Variants in TNS1 observed in about 807,000 individuals in gnomAD.
The protein encoded by TNS1 is tensin-1.
In TNS1, 62 loss-of-function variants were observed where a neutral mutation model predicts 168.6. That is an observed-to-expected ratio of 0.37 (90% CI 0.30 to 0.45). The LOEUF is 0.45. TNS1 is among the 20% of genes least tolerant of loss of function. The pLI is 1.00. For synonymous variants in TNS1, 934 were observed against 933.2 expected (o/e 1.00, Z -0.02); for missense variants, 2,240 against 2,339.4 (o/e 0.96, Z 0.88).
chr2:217,831,566 G>C lies in TNS1; in HGVS notation c.3281-19C>G. 2 of 1,453,982 alleles carry C rather than the reference G, an allele frequency of 1.4e-6. No homozygotes were observed. The highest frequency in any genetic ancestry group is 1.8e-6 in the Non-Finnish European group (2 of 1,104,058). The allele number at this position is 1,453,982 out of a possible 1,614,324, so 90.1% of individuals were successfully genotyped here. On this transcript the variant is annotated intron_variant, in intron 21 of 32. Transcript: ENST00000682258. ...GACCGCACTGTGCCAGGAAGAAGAGGGGAGACACAGGGAGTGAGAGGTGGG... is the reference window on the plus strand; with the variant it reads ...GACCGCACTGTGCCAGGAAGAAGAGCGGAGACACAGGGAGTGAGAGGTGGG...
intron 3 of TNS1, among the ~76,000 whole-genome samples, chr2:217,953,599 A>G (rs890319689): frequency 5.9e-5 from 9 of 152,124 alleles, no homozygotes; most frequent in Non-Finnish European, 5.9e-5. Flanking sequence ...GGACCCTGGC[A>G]GTTCCACTTG....
chr2:217,977,505 G>A (rs144309250), intron 3 of TNS1, among the ~76,000 whole-genome samples: 234 of 152,322 alleles, frequency 1.5e-3, no homozygotes, highest in African/African-American at 5.0e-3. Flanking sequence ...TGCTTGATCC[G>A]TCAGCACCCC....
At chr2:217,838,050 C>CAGA (rs759729016) in intron 19 of TNS1, among the ~76,000 whole-genome samples, 1 of 152,224 alleles carries the variant, frequency 6.6e-6, no homozygotes. Flanking sequence ...ATAATTGTGA[C>CAGA]AGAAGAAGCC....
intron 3 of TNS1, among the ~76,000 whole-genome samples, chr2:217,933,835 G>A (rs1389803315): frequency 6.6e-6 from 1 of 152,216 alleles, no homozygotes; most frequent in Non-Finnish European, 1.5e-5. Context: ...GGAAGAGCAG[G>A]TGCACAAACA....
chr2:217,982,761 A>C (rs1958087696), intron 2 of TNS1, among the ~76,000 whole-genome samples: 1 of 152,130 alleles, frequency 6.6e-6, no homozygotes, highest in Admixed American at 6.6e-5. Flanking sequence ...TAGATCACTG[A>C]TACCAGAACA....
chr2:217,858,645 G>A, intron 18 of TNS1: 12 of 780,564 alleles, frequency 1.5e-5, no homozygotes, highest in Non-Finnish European at 1.8e-5. Context: ...GGGGTGGGAG[G>A]AGCCAGTGCC....
intron 3 of TNS1, among the ~76,000 whole-genome samples, chr2:217,932,024 C>A (rs1159395470): frequency 6.6e-6 from 1 of 152,180 alleles, no homozygotes; most frequent in African/African-American, 2.4e-5. Context: ...TTAGGAAAAA[C>A]ATCCCACATC....
rs532204735 is a variant in TNS1, at chr2:217,905,782, C to T, written c.321+553G>A. Among the ~76,000 whole-genome samples, 3 of 152,342 alleles carry T rather than the reference C, an allele frequency of 2.0e-5. No individual in the cohort carries two copies. In the South Asian group the frequency reaches 6.2e-4, roughly 32 times the overall value. On this transcript the variant is annotated intron_variant, in intron 6 of 32. Transcript: ENST00000682258. ...GAGACCCCGAGCCCTTCTGTGGGAT[C>T]CTTCCATTTCAGGCATCCGCCCCTT...
chr2:217,847,955 G>C lies in TNS1; in HGVS notation c.2562C>G (p.His854Gln). ...AGGCCCCGGGGACACTCTGGGACTTGTGTAGTGGGGCAGCAGCGGAGGCTG... is the reference window on the plus strand; with the variant it reads ...AGGCCCCGGGGACACTCTGGGACTTCTGTAGTGGGGCAGCAGCGGAGGCTG... ...LEPASAAAPL[H>Q]KSQSVPGAWP... The change falls in exon 19 of 33, where the codon CAC (histidine) becomes CAG (glutamine). Residue 854 changes from histidine to glutamine, a missense_variant. Physicochemically the swap from His to Gln is conservative, Grantham distance 24. Around this residue, in one of 2 missense-constraint regions of TNS1, gnomAD observed 2,131 missense variants for 2,171.2 expected, o/e 0.98. Coordinates refer to ENST00000682258, the MANE Select transcript of TNS1 (RefSeq NM_001387777.1). 6.6e-7 allele frequency: 1 copy of C among 1,510,074 alleles called. No homozygotes were observed. The highest frequency in any genetic ancestry group is 8.9e-7 in the Non-Finnish European group (1 of 1,126,586). 93.5% of individuals were successfully genotyped at this position (1,510,074 alleles called of 1,614,324 possible). A position where few individuals can be genotyped will look rare whatever the true frequency, so the allele number is the denominator to read the frequency against.
At position 217,814,807 on chromosome 2, in the gene TNS1, C is replaced by T. The variant is rs565989090; in HGVS notation, c.4729+105G>A. On this transcript the variant is annotated intron_variant, in intron 25 of 32. Transcript: ENST00000682258. ...ACCCCAGCCCCCTCTGTGATGACCC[C>T]CTGCTACAAAGAGGACTGAATTTGC... 35 of 895,956 alleles carry T rather than the reference C, an allele frequency of 3.9e-5. No homozygotes were observed. In the South Asian group the frequency reaches 5.0e-4, roughly 13 times the overall value. 55.5% of individuals were successfully genotyped at this position (895,956 alleles called of 1,614,324 possible). A position where few individuals can be genotyped will look rare whatever the true frequency, so the allele number is the denominator to read the frequency against.
intron 24 of TNS1, chr2:217,815,277 GC>G (rs1461891105): frequency 2.7e-6 from 1 of 375,694 alleles, no homozygotes; most frequent in Non-Finnish European, 4.9e-6. Flanking sequence ...GCGTCTACAT[GC>G]CAAGGGACAC....
At chr2:217,814,235 C>T (rs925136542) in intron 25 of TNS1, among the ~76,000 whole-genome samples, 6 of 152,122 alleles carry the variant, frequency 3.9e-5, no homozygotes, top group African/African-American at 7.2e-5. Flanking sequence ...TGGCTGGTCT[C>T]GAACTCCTGG....
intron 18 of TNS1, chr2:217,858,378 G>C (rs1948415978): frequency 3.1e-6 from 1 of 324,240 alleles, no homozygotes; most frequent in Non-Finnish European, 4.4e-6. Flanking sequence ...GGTCGTGACA[G>C]AGCCTGCCCC....
At chr2:217,852,337 G>C (rs1574817121) in intron 18 of TNS1, among the ~76,000 whole-genome samples, 1 of 152,074 alleles carries the variant, frequency 6.6e-6, no homozygotes, top group East Asian at 1.9e-4. Context: ...CTGAGCCAGG[G>C]CACCCCCTCT....
intron 1 of TNS1, among the ~76,000 whole-genome samples, chr2:218,020,644 T>C (rs1188219168): frequency 6.6e-6 from 1 of 152,198 alleles, no homozygotes; most frequent in Non-Finnish European, 1.5e-5. Context: ...GAAGAACTTC[T>C]GTGTCCAGCT....
chr2:218,031,067 T>C (rs1435976421), intron 1 of TNS1, among the ~76,000 whole-genome samples: 1 of 144,148 alleles, frequency 6.9e-6, no homozygotes, highest in Non-Finnish European at 1.5e-5. Flanking sequence ...TGTGTGAGTG[T>C]ATGTGTGTGT....
chr2:217,992,219 G>C (rs999803580), intron 1 of TNS1, among the ~76,000 whole-genome samples: 1 of 152,156 alleles, frequency 6.6e-6, no homozygotes, highest in Non-Finnish European at 1.5e-5. Flanking sequence ...CCCAGCTGTA[G>C]CAGGAGGGGG....
At chr2:218,024,552 C>T (rs575040207) in intron 1 of TNS1, among the ~76,000 whole-genome samples, 13 of 152,248 alleles carry the variant, frequency 8.5e-5, no homozygotes, top group African/African-American at 2.9e-4. Context: ...CAGATGGCCT[C>T]AGCTCAGTGC....
chr2:217,835,928 CA>C (rs1432918096), intron 20 of TNS1, 86 bp downstream of exon 20: 7 of 1,186,152 alleles, frequency 5.9e-6, no homozygotes, highest in Non-Finnish European at 8.5e-6. Flanking sequence ...ATACTGATAT[CA>C]GTGCCAAGTT....
Sources: gnomAD v4.1 joint callset for allele counts (sites outside exome capture counted in the v4.1 genomes callset) on GRCh38, gnomAD v4.1.1 for gene constraint, gnomAD v4.1.1 regional missense constraint, MANE v1.5 for transcripts, NCBI Gene and HGNC (gene_info 2026-07-23, HGNC 2026-07-21) for gene names.